The following PTPRO variants were observed in gnomAD, a reference collection of about 807,000 sequenced individuals.
PTPRO encodes the protein protein tyrosine phosphatase receptor type O.
PTPRO carries 62 observed loss-of-function variants against 145.2 expected under a neutral mutation model. The ratio of observed to expected loss-of-function variants is 0.43; its 90% confidence interval spans 0.35 to 0.53. The LOEUF is 0.53. PTPRO is among the 20% of genes least tolerant of loss of function. The probability of loss-of-function intolerance (pLI) is 0.01; values close to 1 mark genes in which losing one functional copy is unlikely to be tolerated. For missense variants in PTPRO, 1,345 were observed against 1,482.7 expected (o/e 0.91, Z 1.53); for synonymous variants, 565 against 514.7 (o/e 1.10, Z -1.32).
intron 9 of PTPRO, among the ~76,000 whole-genome samples, chr12:15,519,884 G>C (rs1942677691): frequency 6.6e-6 from 1 of 152,144 alleles, no homozygotes; most frequent in Admixed American, 6.6e-5. Context: ...GAAATAGGGA[G>C]AAATGTATGT....
chr12:15,339,264 G>GA (rs1866886132), intron 1 of PTPRO, among the ~76,000 whole-genome samples: 1 of 152,124 alleles, frequency 6.6e-6, no homozygotes, highest in Non-Finnish European at 1.5e-5. Context: ...AGAAACACGA[G>GA]AAAATGTAAG....
At chr12:15,580,254 C>T in intron 21 of PTPRO, 139 bp downstream of exon 21, 1 of 694,344 alleles carries the variant, frequency 1.4e-6, no homozygotes, top group East Asian at 2.7e-5. Context: ...TTGCATTACT[C>T]CGTTTCATAA....
At chr12:15,432,681 T>C (rs578107846) in intron 1 of PTPRO, among the ~76,000 whole-genome samples, 1 of 152,392 alleles carries the variant, frequency 6.6e-6, no homozygotes, top group South Asian at 2.1e-4. Flanking sequence ...TTGTGACTTT[T>C]GAATCATAGC....
rs113595924 is a variant in PTPRO, at chr12:15,483,379, T to C, written c.76-595T>C. 8.5e-5 allele frequency among the ~76,000 whole-genome samples: 13 copies of C among 152,266 alleles called. 2 individuals are homozygous for C. Among genetic ancestry groups the C allele is most frequent in the African/African-American group, 3.1e-4 (13 of 41,566 alleles). On this transcript the variant is annotated intron_variant, in intron 1 of 26. Coordinates refer to ENST00000281171, the MANE Select transcript of PTPRO (RefSeq NM_030667.3). ...CCCCTAGACACCAGCAGATCCTCCA[T>C]CTGGTCTCTTCCTCACTAGCATAGC...
At chr12:15,497,742 A>G (rs573191903) in intron 3 of PTPRO, among the ~76,000 whole-genome samples, 58 of 152,344 alleles carry the variant, frequency 3.8e-4, no homozygotes, top group African/African-American at 1.3e-3. Context: ...TCTGGGTATG[A>G]TAGATGGGCA....
chr12:15,385,811 C>CA (rs761750012), intron 1 of PTPRO, among the ~76,000 whole-genome samples: 5,683 of 36,692 alleles, frequency 0.15, 666 homozygotes, highest in African/African-American at 0.32. Flanking sequence ...GACTCCATCT[C>CA]AAAAAAAAAA....
At chr12:15,561,756 C>G (rs1353891029) in intron 17 of PTPRO, among the ~76,000 whole-genome samples, 1 of 152,126 alleles carries the variant, frequency 6.6e-6, no homozygotes, top group Non-Finnish European at 1.5e-5. Flanking sequence ...AAAATACTAA[C>G]AGCAAATACC....
At chr12:15,491,832 G>A (rs1264920785) in intron 2 of PTPRO, among the ~76,000 whole-genome samples, 1 of 152,200 alleles carries the variant, frequency 6.6e-6, no homozygotes, top group Non-Finnish European at 1.5e-5. Context: ...GTCTGGAAAA[G>A]ACACTATTGA....
intron 2 of PTPRO, among the ~76,000 whole-genome samples, chr12:15,486,596 C>A (rs1051663174): frequency 2.0e-5 from 3 of 151,948 alleles, no homozygotes; most frequent in Admixed American, 6.6e-5. Flanking sequence ...CATTAAAATG[C>A]TTTTTAAAAA....
At chr12:15,485,474 T>G (rs1000407388) in intron 2 of PTPRO, among the ~76,000 whole-genome samples, 6 of 152,194 alleles carry the variant, frequency 3.9e-5, no homozygotes, top group African/African-American at 1.4e-4. Flanking sequence ...TCTGTCTTAC[T>G]TATCTTCATA....
chr12:15,408,581 C>T (rs1939708587), intron 1 of PTPRO, among the ~76,000 whole-genome samples: 1 of 152,110 alleles, frequency 6.6e-6, no homozygotes, highest in Non-Finnish European at 1.5e-5. Flanking sequence ...GCGCCCACCA[C>T]CACGCTTGGC....
chr12:15,584,903 G>C (rs774828619), intron 23 of PTPRO, among the ~76,000 whole-genome samples: 1 of 152,134 alleles, frequency 6.6e-6, no homozygotes, highest in Non-Finnish European at 1.5e-5. Flanking sequence ...TAACAAGAAA[G>C]GAGAGAAATG....
At chr12:15,575,340 T>C (rs2135628471) in intron 19 of PTPRO, among the ~76,000 whole-genome samples, 1 of 152,266 alleles carries the variant, frequency 6.6e-6, no homozygotes. Context: ...ATGGTGAACT[T>C]CCCGAGGCTC....
rs2135686760 is a variant in PTPRO, at chr12:15,596,527, C to G, written c.*454C>G. 6.5e-6 allele frequency: 1 copy of G among 152,714 alleles called. No homozygotes were observed. Among genetic ancestry groups the G allele is most frequent in the South Asian group, 2.1e-4 (1 of 4,824 alleles). The allele number at this position is 152,714 out of a possible 1,614,324, so 9.5% of individuals were successfully genotyped here. A position where few individuals can be genotyped will look rare whatever the true frequency, so the allele number is the denominator to read the frequency against. On this transcript the variant is annotated 3_prime_UTR_variant, in exon 27 of 27. Transcript: ENST00000281171. ...CCCAGGAAGGAACAGGCATTGTTAG[C>G]ATCAGATTATACCTCATTATTAAAA...
At chr12:15,359,422 CTTT>C (rs771782428) in intron 1 of PTPRO, among the ~76,000 whole-genome samples, 3 of 112,512 alleles carry the variant, frequency 2.7e-5, no homozygotes, top group East Asian at 2.4e-4. Context: ...TTTCTCTTTC[CTTT>C]TTTTTTTTTT....
At chr12:15,323,581 A>G (rs867180610) in intron 1 of PTPRO, among the ~76,000 whole-genome samples, 7 of 152,310 alleles carry the variant, frequency 4.6e-5, no homozygotes, top group Non-Finnish European at 8.8e-5. Context: ...TTTTTGAAGA[A>G]ATGTCAGCTA....
At chr12:15,413,982 C>T (rs1221217367) in intron 1 of PTPRO, among the ~76,000 whole-genome samples, 1 of 152,084 alleles carries the variant, frequency 6.6e-6, no homozygotes, top group Admixed American at 6.5e-5. Flanking sequence ...TGTCAATATG[C>T]TAAATAAATA....
intron 1 of PTPRO, among the ~76,000 whole-genome samples, chr12:15,359,082 G>T (rs1468677572): frequency 6.6e-6 from 1 of 152,166 alleles, no homozygotes; most frequent in Non-Finnish European, 1.5e-5. Context: ...TTGGAACTGG[G>T]CTATGCTGAA....
intron 7 of PTPRO, 50 bp downstream of exon 7, chr12:15,508,817 C>T: frequency 6.4e-7 from 1 of 1,573,638 alleles, no homozygotes; most frequent in Non-Finnish European, 8.7e-7. Context: ...CTAAGCACAA[C>T]CTTACAGGGC....
Sources: allele counts gnomAD v4.1 joint callset (sites outside exome capture counted in the v4.1 genomes callset), GRCh38; gene constraint gnomAD v4.1.1; transcripts MANE v1.5; gene names NCBI Gene and HGNC (gene_info 2026-07-23, HGNC 2026-07-21).